Variants in BCAS3 observed in about 807,000 individuals in gnomAD.
BCAS3 encodes BCAS4/BCAS3 fusion.
BCAS3 carries 53 observed loss-of-function variants against 116.1 expected under a neutral mutation model. That is an observed-to-expected ratio of 0.46 (90% confidence interval 0.37 to 0.57). The LOEUF is 0.57. BCAS3 is among the 20% of genes least tolerant of loss of function. BCAS3 has a pLI of 0.00. For missense variants in BCAS3, 917 were observed against 1,165.4 expected (o/e 0.79, Z 3.10); for synonymous variants, 391 against 408.2 (o/e 0.96, Z 0.51).
rs1212727220 is a variant in BCAS3 at position 61,016,010 on chromosome 17, A to C, written c.1637+109A>C. On this transcript the variant is annotated intron_variant, in intron 16 of 23. Coordinates refer to ENST00000407086, the MANE Select transcript of BCAS3 (RefSeq NM_017679.5). ...GGTTTTTATTATGTTCTTCATTTCC[A>C]GCTCAAATAAGACTTAATGGCATCA... 6 of 1,172,722 alleles carry C rather than the reference A, an allele frequency of 5.1e-6. No homozygotes were observed. In the Admixed American group the frequency reaches 6.7e-5, roughly 13 times the overall value. The allele number at this position is 1,172,722 out of a possible 1,614,324, so 72.6% of individuals were successfully genotyped here.
intron 22 of BCAS3, among the ~76,000 whole-genome samples, chr17:61,195,381 A>G (rs1342913136): frequency 6.6e-6 from 1 of 152,128 alleles, no homozygotes; most frequent in Admixed American, 6.5e-5. Context: ...ATTTTCCCAG[A>G]CAAGGTCTCA....
At chr17:61,035,575 T>TC (rs1390455580) in intron 17 of BCAS3, among the ~76,000 whole-genome samples, 5 of 101,512 alleles carry the variant, frequency 4.9e-5, no homozygotes, top group African/African-American at 2.4e-4. Context: ...AGAGCAAGAC[T>TC]CCATCTCAAA....
chr17:60,735,953 T>C (rs1265320302), intron 5 of BCAS3, among the ~76,000 whole-genome samples: 3 of 152,232 alleles, frequency 2.0e-5, no homozygotes, highest in Non-Finnish European at 4.4e-5. Context: ...TAAGTGAGTG[T>C]AAGTGAGCTA....
In BCAS3 at chr17:61,256,250, T is replaced by TTTTGTTTGTTTGTTTG. The variant is rs75288690; in HGVS notation, c.2426-112061_2426-112046dup. 2.6e-5 allele frequency among the ~76,000 whole-genome samples: 4 copies of TTTTGTTTGTTTGTTTG among 151,588 alleles called. No homozygotes were observed. The highest frequency in any genetic ancestry group is 4.4e-5 in the Non-Finnish European group (3 of 67,924). Reference sequence around the variant, plus strand: ...TCTTCAAGCCAAGAGGTAGTTTGGTTTTTGTTTGTTTGTTTGTTTGTTTGT... The same window carrying TTTTGTTTGTTTGTTTG: ...TCTTCAAGCCAAGAGGTAGTTTGGTTTTTGTTTGTTTGTTTGTTTGTTTGTTTGTTTGTTTGTTTGT... On this transcript the variant is annotated intron_variant, in intron 22 of 23. Coordinates refer to ENST00000407086, the MANE Select transcript of BCAS3 (RefSeq NM_017679.5). The surrounding 1 kb of genome is among the most constrained non-coding windows in gnomAD (Gnocchi z 5.6).
rs2065770881 is a variant in BCAS3, at chr17:61,020,141, A to G, written c.1637+4240A>G. Among the ~76,000 whole-genome samples, 1 of 152,248 alleles carries G rather than the reference A, an allele frequency of 6.6e-6. No homozygotes were observed. Among genetic ancestry groups the G allele is most frequent in the African/African-American group, 2.4e-5 (1 of 41,462 alleles). The stretch of plus-strand genomic sequence containing the variant: ...ATATTTCTAAAGTAGAGATTTCTAA[A>G]GATTTCTAGGATCCAGTAATTAAAT... On this transcript the variant is annotated intron_variant, in intron 16 of 23. Coordinates refer to ENST00000407086, the MANE Select transcript of BCAS3 (RefSeq NM_017679.5). The surrounding 1 kb of genome is among the most constrained non-coding windows in gnomAD (Gnocchi z 4.5).
intron 4 of BCAS3, among the ~76,000 whole-genome samples, chr17:60,701,981 TAAAAA>T (rs1251438503): frequency 6.6e-6 from 1 of 151,084 alleles, no homozygotes; most frequent in Non-Finnish European, 1.5e-5. Flanking sequence ...GTCAAAAAAA[TAAAAA>T]AAGAAAGAAA....
At position 61,235,165 on chromosome 17, in the gene BCAS3, G is replaced by T. The variant is rs558927123; in HGVS notation, c.2426-133162G>T. Among the ~76,000 whole-genome samples the T allele has an allele frequency of 1.2e-4, 18 of 152,246 alleles. No individual in the cohort carries two copies. Among genetic ancestry groups the T allele is most frequent in the Non-Finnish European group, 2.5e-4 (17 of 68,010 alleles). The stretch of plus-strand genomic sequence containing the variant: ...GTCTTCCAAAGTGCTGGGATTATAG[G>T]CGTGAACCACCACGCCTGGCTGTCT... On this transcript the variant is annotated intron_variant, in intron 22 of 23. Transcript: ENST00000407086. This position sits in a 1 kb window ranked among gnomAD's most constrained non-coding sequence, Gnocchi z 5.0.
chr17:61,128,145 T>C lies in BCAS3; in HGVS notation c.2425+43581T>C, dbSNP rs2076142000. The C allele has an allele frequency of 1.0e-6, 1 of 979,306 alleles. No homozygotes were observed. The highest frequency in any genetic ancestry group is 1.2e-6 in the Non-Finnish European group (1 of 824,470). 60.7% of individuals were successfully genotyped at this position (979,306 alleles called of 1,614,324 possible). A position where few individuals can be genotyped will look rare whatever the true frequency, so the allele number is the denominator to read the frequency against. ...TCATTTTAGAGATTCCTTGATACTG[T>C]AAACCTGACAACTCAATCTGGTTTT... On this transcript the variant is annotated intron_variant, in intron 22 of 23. Transcript: ENST00000407086. This position sits in a 1 kb window ranked among gnomAD's most constrained non-coding sequence, Gnocchi z 4.1.
Position 60,747,250 on chromosome 17 carries a change from C to G in BCAS3, c.374C>G (p.Ala125Gly). The change falls in exon 6 of 24, where the codon GCG becomes GGG. Residue 125 changes from alanine to glycine, a missense_variant. By Grantham distance (60) the Ala-to-Gly change is moderately conservative. Around this residue, in one of 3 missense-constraint regions of BCAS3, gnomAD observed 807 missense variants for 1,026.0 expected, o/e 0.79. Transcript: ENST00000407086. ...LFSVRHGPIRAARILPAPQFG... is the reference protein window; with the variant it reads ...LFSVRHGPIRGARILPAPQFG... ...TCTGTTCGACATGGCCCAATTCGAG[C>G]GGCTAGAATCTTGCCTGCTCCACAG... The G allele has an allele frequency of 6.2e-7, 1 of 1,612,982 alleles. No individual in the cohort carries two copies. The highest frequency in any genetic ancestry group is 8.5e-7 in the Non-Finnish European group (1 of 1,179,070).
chr17:60,739,383 G>A (rs2041300004), intron 5 of BCAS3, among the ~76,000 whole-genome samples: 1 of 152,142 alleles, frequency 6.6e-6, no homozygotes, highest in African/African-American at 2.4e-5. Flanking sequence ...ACTTTGGGAG[G>A]CTGAGGCAGG....
chr17:60,880,561 T>TAC (rs1453258124), intron 9 of BCAS3, among the ~76,000 whole-genome samples: 2 of 152,206 alleles, frequency 1.3e-5, no homozygotes, highest in Non-Finnish European at 2.9e-5. Flanking sequence ...GTCCTGGGAT[T>TAC]ACAGGCGTGA....
At chr17:60,730,599 C>T (rs2040363623) in intron 5 of BCAS3, among the ~76,000 whole-genome samples, 1 of 152,120 alleles carries the variant, frequency 6.6e-6, no homozygotes, top group Non-Finnish European at 1.5e-5. Flanking sequence ...TTCCCCTCTT[C>T]CTCCTAATTT....
chr17:60,752,057 T>C (rs2042517315), intron 6 of BCAS3, among the ~76,000 whole-genome samples: 1 of 152,166 alleles, frequency 6.6e-6, no homozygotes, highest in East Asian at 1.9e-4. Context: ...TCTAGTTTTT[T>C]TCCCCTTAAC....
chr17:60,933,698 G>C lies in BCAS3; in HGVS notation c.1087+9198G>C, dbSNP rs528614414. Among the ~76,000 whole-genome samples, 6 of 152,306 alleles carry C rather than the reference G, an allele frequency of 3.9e-5. No individual in the cohort carries two copies. The East Asian group carries it at 9.6e-4, about 24-fold the overall frequency. On this transcript the variant is annotated intron_variant, in intron 13 of 23. Transcript: ENST00000407086. ...TAGCAAGTGGTTAGAGAAATACCAT[G>C]TCTTGATTTATTTTTAACATCTATA...
At chr17:60,735,737 G>A (rs73334332) in intron 5 of BCAS3, among the ~76,000 whole-genome samples, 6,660 of 152,158 alleles carry the variant, frequency 0.044, 536 homozygotes, top group African/African-American at 0.15. Flanking sequence ...TACAGGTTAA[G>A]TGATGTTAGC....
rs1417767169 is a variant in BCAS3, at chr17:61,381,596, A to G, written c.2594-10381A>G. ...ACTGATGTCAAGGCTACCAGACGCT[A>G]AATGCCACCGAGAAGTTAAATCTAT... On this transcript the variant is annotated intron_variant, in intron 23 of 23. Transcript: ENST00000407086. This position sits in a 1 kb window ranked among gnomAD's most constrained non-coding sequence, Gnocchi z 6.0. 6.7e-6 allele frequency among the ~76,000 whole-genome samples: 1 copy of G among 150,318 alleles called. No individual in the cohort carries two copies. Among genetic ancestry groups the G allele is most frequent in the Non-Finnish European group, 1.5e-5 (1 of 67,388 alleles).
chr17:60,728,642 G>A (rs2040152796), intron 5 of BCAS3, among the ~76,000 whole-genome samples: 1 of 151,944 alleles, frequency 6.6e-6, no homozygotes, highest in Admixed American at 6.6e-5. Flanking sequence ...GCCATGCCCA[G>A]CTAATTTTTG....
At chr17:61,338,187 C>T (rs571965243) in intron 22 of BCAS3, among the ~76,000 whole-genome samples, 37 of 152,186 alleles carry the variant, frequency 2.4e-4, no homozygotes, top group African/African-American at 7.9e-4. Flanking sequence ...CTGGCGGGGG[C>T]GGTAGGGGAC....
chr17:60,817,726 A>G (rs997012801), intron 7 of BCAS3, among the ~76,000 whole-genome samples: 2 of 152,204 alleles, frequency 1.3e-5, no homozygotes, highest in East Asian at 1.9e-4. Flanking sequence ...TAGGCTTTCT[A>G]TGGCCATTGT....
Sources: gnomAD v4.1 joint callset for allele counts (sites outside exome capture counted in the v4.1 genomes callset) on GRCh38, gnomAD v4.1.1 for gene constraint, gnomAD v4.1.1 regional missense constraint, Gnocchi (gnomAD v3.1) non-coding constraint, MANE v1.5 for transcripts, NCBI Gene and HGNC (gene_info 2026-07-23, HGNC 2026-07-21) for gene names.